The following KLHL25 variants were observed in gnomAD, a reference collection of about 807,000 sequenced individuals.
KLHL25 encodes the protein kelch-like protein 25.
A neutral mutation model predicts 30.0 loss-of-function variants in KLHL25; 41 were observed. The observed-to-expected ratio is 1.37, with a 90% CI of 1.07 to 1.78. The LOEUF (loss-of-function observed/expected upper bound fraction) is 1.78, where lower values mean the gene tolerates loss of function less well. Ranked by LOEUF, KLHL25 falls within the 40% of genes most tolerant of loss-of-function variation. KLHL25 has a pLI of 0.00. For missense variants in KLHL25, 971 were observed against 824.5 expected (o/e 1.18, Z -2.18); for synonymous variants, 399 against 355.3 (o/e 1.12, Z -1.38).
In KLHL25 at chr15:85,773,293, GA is replaced by G. The variant is rs138760243; in HGVS notation, c.-10-3474del. Among the ~76,000 whole-genome samples, 1,271 of 152,240 alleles carry G rather than the reference GA, an allele frequency of 8.3e-3. 17 individuals are homozygous for G. Among genetic ancestry groups the G allele is most frequent in the African/African-American group, 0.026 (1,090 of 41,534 alleles). On this transcript the variant is annotated intron_variant, in intron 1 of 2. Coordinates refer to ENST00000337975, the MANE Select transcript of KLHL25 (RefSeq NM_022480.4). Reference sequence around the variant, plus strand: ...GATGAAGCCCTGAGACACAGCACACGAAACTCATTCATATCAACTCCACCAT... The same window carrying G: ...GATGAAGCCCTGAGACACAGCACACGAACTCATTCATATCAACTCCACCAT...
At position 85,791,194 on chromosome 15, in the gene KLHL25, C is replaced by CAAAAAAAA. The variant is rs67417642; in HGVS notation, c.-11+3564_-11+3571dup. Among the ~76,000 whole-genome samples, 21 of 118,936 alleles carry CAAAAAAAA rather than the reference C, an allele frequency of 1.8e-4. 1 individual carries two copies. Among genetic ancestry groups the CAAAAAAAA allele is most frequent in the Non-Finnish European group, 1.6e-4 (9 of 57,306 alleles). 78.0% of individuals were successfully genotyped at this position (118,936 alleles called of 152,430 possible). The stretch of plus-strand genomic sequence containing the variant: ...TGGGCTACAAGGTAAGACTCAGTCT[C>CAAAAAAAA]AAAAAAAAAAAAAGAAAAATGCCAG... On this transcript the variant is annotated intron_variant, in intron 1 of 2. Transcript: ENST00000337975.
intron 1 of KLHL25, among the ~76,000 whole-genome samples, chr15:85,782,594 C>T (rs961343715): frequency 6.6e-5 from 10 of 151,958 alleles, no homozygotes; most frequent in African/African-American, 2.4e-4. Flanking sequence ...AGCTACACCC[C>T]ACTCTGGATT....
chr15:85,767,290 GGACT>G (rs1302292400), intron 2 of KLHL25, among the ~76,000 whole-genome samples: 2 of 152,004 alleles, frequency 1.3e-5, no homozygotes, highest in African/African-American at 4.8e-5. Flanking sequence ...TGCCCGGCCA[GGACT>G]GACTTTCACA....
Position 85,768,747 on chromosome 15 carries a change from G to A in KLHL25, c.1064C>T (p.Ser355Phe). The A allele has an allele frequency of 6.2e-7, 1 of 1,613,192 alleles. No individual in the cohort carries two copies. Residue 355 changes from serine (S) to phenylalanine (F), a missense_variant, in exon 2 of 3, where the codon TCC (serine) becomes TTC (phenylalanine). Coordinates refer to ENST00000337975, the MANE Select transcript of KLHL25 (RefSeq NM_022480.4). ...TGGRGSENGV[S>F]KDVWVYDTVH... ...GGTGTCGTACACCCAGACATCCTTG[G>A]AGACCCCGTTCTCGGAGCCCCTGCC...
chr15:85,794,795 G>GCCGCCC lies in KLHL25; in HGVS notation c.-41_-40insGGGCGG, dbSNP rs1270734467. The GCCGCCC allele has an allele frequency of 6.5e-6, 1 of 152,768 alleles. No individual in the cohort carries two copies. Among genetic ancestry groups the GCCGCCC allele is most frequent in the African/African-American group, 2.4e-5 (1 of 41,372 alleles). 9.5% of individuals were successfully genotyped at this position (152,768 alleles called of 1,614,324 possible). A position where few individuals can be genotyped will look rare whatever the true frequency, so the allele number is the denominator to read the frequency against. On this transcript the variant is annotated 5_prime_UTR_variant, in exon 1 of 3. Transcript: ENST00000337975. Reference sequence around the variant, plus strand: ...GGAGACGATCCCCGCCGCCGCCGCCGCCTCAGAGACCACTCCCGGCAGCCC... The same window carrying GCCGCCC: ...GGAGACGATCCCCGCCGCCGCCGCCGCCGCCCCCTCAGAGACCACTCCCGGCAGCCC...
chr15:85,775,172 C>T (rs763390611), intron 1 of KLHL25, among the ~76,000 whole-genome samples: 5 of 152,200 alleles, frequency 3.3e-5, no homozygotes, highest in African/African-American at 9.6e-5. Flanking sequence ...CCACTGCGCC[C>T]GGCCAGGGCG....
At chr15:85,785,573 T>C (rs2089775869) in intron 1 of KLHL25, among the ~76,000 whole-genome samples, 2 of 152,140 alleles carry the variant, frequency 1.3e-5, no homozygotes, top group South Asian at 4.1e-4. Flanking sequence ...CCTTTTTTTT[T>C]TTTTCCACCT....
At chr15:85,782,934 C>T (rs2089754144) in intron 1 of KLHL25, among the ~76,000 whole-genome samples, 1 of 152,116 alleles carries the variant, frequency 6.6e-6, no homozygotes, top group Admixed American at 6.6e-5. Flanking sequence ...CGATTAGATG[C>T]TTAATAAATA....
intron 1 of KLHL25, among the ~76,000 whole-genome samples, chr15:85,778,751 T>C (rs941675137): frequency 6.6e-6 from 1 of 152,242 alleles, no homozygotes; most frequent in Admixed American, 6.5e-5. Flanking sequence ...GCCTCAGCCC[T>C]GTGTCCACCA....
chr15:85,779,909 T>C (rs1485487982), intron 1 of KLHL25, among the ~76,000 whole-genome samples: 2 of 152,256 alleles, frequency 1.3e-5, no homozygotes, highest in Non-Finnish European at 2.9e-5. Context: ...TTTGCTTCTG[T>C]TGGTTCACTG....
chr15:85,792,665 A>C (rs2089825648), intron 1 of KLHL25, among the ~76,000 whole-genome samples: 1 of 152,108 alleles, frequency 6.6e-6, no homozygotes, highest in African/African-American at 2.4e-5. Context: ...TGCATTCTCC[A>C]TGGCCTCAAC....
At chr15:85,767,902 C>G (rs867610877) in intron 2 of KLHL25, 115 bp downstream of exon 2, 3 of 684,124 alleles carry the variant, frequency 4.4e-6, no homozygotes, top group Non-Finnish European at 4.8e-6. Flanking sequence ...CCACCTGCTG[C>G]CCACCCAGAC....
In KLHL25 at chr15:85,768,228, C is replaced by A. The variant is rs140843127; in HGVS notation, c.1583G>T (p.Arg528Leu). The change falls in exon 2 of 3, where the codon CGC becomes CTC. Residue 528 changes from arginine (R) to leucine (L), a missense_variant. Physicochemically the swap from Arg to Leu is moderately radical, Grantham distance 102 (BLOSUM62 -2). Transcript: ENST00000337975. ...GGAAGCCAGGGCATGGCAGGACATG[C>A]GCTTGGCAGTCATGTCCCCAATCCG... ...WTRIGDMTAK[R>L]MSCHALASGN... The A allele has an allele frequency of 6.3e-5, 101 of 1,614,044 alleles. 1 individual carries two copies. In the Middle Eastern group the frequency reaches 1.2e-3, roughly 18 times the overall value.
chr15:85,770,723 T>C (rs1397060557), intron 1 of KLHL25: 2 of 366,950 alleles, frequency 5.5e-6, no homozygotes, highest in African/African-American at 4.2e-5. Flanking sequence ...AGCCAGAGCT[T>C]CCCAGGTCCC....
chr15:85,794,141 C>A (rs529379287), intron 1 of KLHL25, among the ~76,000 whole-genome samples: 3 of 152,326 alleles, frequency 2.0e-5, no homozygotes, highest in Non-Finnish European at 4.4e-5. Flanking sequence ...TCTGGACCTG[C>A]CAGTCTGGCC....
intron 2 of KLHL25, among the ~76,000 whole-genome samples, chr15:85,766,991 A>G (rs1480598293): frequency 7.6e-6 from 1 of 131,280 alleles, no homozygotes; most frequent in Non-Finnish European, 1.6e-5. Flanking sequence ...CTGGTTGGCG[A>G]TCATTTTTTT....
At chr15:85,794,228 G>A (rs2089836141) in intron 1 of KLHL25, among the ~76,000 whole-genome samples, 1 of 152,198 alleles carries the variant, frequency 6.6e-6, no homozygotes, top group Admixed American at 6.5e-5. Flanking sequence ...AAACCGAAAC[G>A]AGGGACCCTG....
rs1036694999 is a variant in KLHL25 at position 85,786,973 on chromosome 15, G to A, written c.-11+7793C>T. ...ATTTCACAGATGAGTACCCAGCTGA[G>A]GTCAGGAGACCAATAAGAGGCAGAA... On this transcript the variant is annotated intron_variant, in intron 1 of 2. Transcript: ENST00000337975. 4.6e-5 allele frequency among the ~76,000 whole-genome samples: 7 copies of A among 152,140 alleles called. No individual in the cohort carries two copies. The South Asian group carries it at 1.0e-3, about 22-fold the overall frequency.
chr15:85,780,008 G>A (rs1195775378), intron 1 of KLHL25, among the ~76,000 whole-genome samples: 1 of 152,210 alleles, frequency 6.6e-6, no homozygotes, highest in African/African-American at 2.4e-5. Flanking sequence ...CCACCCGCAA[G>A]CCACACTTAA....
Sources: allele counts gnomAD v4.1 joint callset (sites outside exome capture counted in the v4.1 genomes callset), GRCh38; gene constraint gnomAD v4.1.1; transcripts MANE v1.5; gene names NCBI Gene and HGNC (gene_info 2026-07-23, HGNC 2026-07-21).